The following SMURF1 variants were observed in gnomAD, a reference collection of about 807,000 sequenced individuals.
SMURF1 encodes SMAD specific E3 ubiquitin protein ligase 1.
Under a neutral mutation model 98.0 loss-of-function variants are expected in SMURF1, and 44 were observed. The ratio of observed to expected loss-of-function variants is 0.45; its 90% CI spans 0.35 to 0.58. The LOEUF (loss-of-function observed/expected upper bound fraction) is 0.58, where lower values mean the gene tolerates loss of function less well. Among genes scored for constraint, SMURF1 ranks in the 20% least tolerant of loss-of-function variants. SMURF1 has a pLI of 0.00. For synonymous variants in SMURF1, 396 were observed against 374.9 expected, an observed-to-expected ratio of 1.06 and a Z score of -0.65; for missense variants, 687 against 938.4, an observed-to-expected ratio of 0.73 and a Z score of 3.50.
intron 1 of SMURF1, among the ~76,000 whole-genome samples, chr7:99,125,024 C>G (rs749676776): frequency 1.3e-5 from 2 of 152,074 alleles, no homozygotes; most frequent in Non-Finnish European, 2.9e-5. Flanking sequence ...ACTTGCCAGA[C>G]AACCTAGAGC....
chr7:99,038,313 C>A, intron 14 of SMURF1, 75 bp downstream of exon 14: 2 of 1,551,778 alleles, frequency 1.3e-6, no homozygotes, highest in Non-Finnish European at 1.8e-6. Flanking sequence ...CCTCACACAG[C>A]GAAGGAGCTA....
At chr7:99,065,521 C>T (rs1796168186) in intron 1 of SMURF1, among the ~76,000 whole-genome samples, 1 of 152,166 alleles carries the variant, frequency 6.6e-6, no homozygotes, top group African/African-American at 2.4e-5. Flanking sequence ...TATAGACGAG[C>T]TATTAGTTTT....
chr7:99,050,977 A>G, intron 8 of SMURF1: 1 of 1,551,554 alleles, frequency 6.4e-7, no homozygotes, highest in South Asian at 1.2e-5. Context: ...CTCCCCCAGG[A>G]ATGGTCCCCG....
intron 1 of SMURF1, among the ~76,000 whole-genome samples, chr7:99,085,872 C>G (rs1206742743): frequency 6.6e-6 from 1 of 152,172 alleles, no homozygotes; most frequent in Non-Finnish European, 1.5e-5. Context: ...AGATTGACTT[C>G]TTTCACTTAC....
intron 8 of SMURF1, 138 bp from the exon 9 acceptor site, chr7:99,049,847 CT>C: frequency 1.3e-6 from 1 of 752,046 alleles, no homozygotes; most frequent in Non-Finnish European, 2.1e-6. Context: ...CTTCGTGGTG[CT>C]ACTTACGCCA....
chr7:99,107,892 T>A (rs1234387643), intron 1 of SMURF1, among the ~76,000 whole-genome samples: 1 of 152,170 alleles, frequency 6.6e-6, no homozygotes, highest in Non-Finnish European at 1.5e-5. Flanking sequence ...TTGGCATATA[T>A]ACACACCTGA....
chr7:99,035,761 C>A (rs1361870099), intron 15 of SMURF1, 45 bp from the exon 16 acceptor site: 3 of 1,587,954 alleles, frequency 1.9e-6, no homozygotes, highest in Non-Finnish European at 2.6e-6. Context: ...ATGCATAAAC[C>A]CACGTCAGGA....
chr7:99,084,539 AT>A (rs1796637414), intron 1 of SMURF1, among the ~76,000 whole-genome samples: 1 of 152,228 alleles, frequency 6.6e-6, no homozygotes, highest in African/African-American at 2.4e-5. Flanking sequence ...AGGGAACTAG[AT>A]ATCAAGAACT....
intron 1 of SMURF1, among the ~76,000 whole-genome samples, chr7:99,068,795 C>T (rs1796256402): frequency 1.3e-5 from 2 of 152,232 alleles, no homozygotes; most frequent in Middle Eastern, 3.4e-3. Context: ...GGATTAGCCC[C>T]TTTTACCCAC....
intron 1 of SMURF1, among the ~76,000 whole-genome samples, chr7:99,140,362 C>T (rs907140460): frequency 7.0e-6 from 1 of 142,034 alleles, no homozygotes; most frequent in African/African-American, 2.6e-5. Flanking sequence ...TCTCGGTTCA[C>T]TGCAAGCTCC....
At chr7:99,120,645 G>A (rs1439484437) in intron 1 of SMURF1, 1 of 151,034 alleles carries the variant, frequency 6.6e-6, no homozygotes, top group Non-Finnish European at 1.5e-5. Flanking sequence ...AAACAAACCT[G>A]GAAGCCCCAC....
At chr7:99,077,919 T>A (rs1796499833) in intron 1 of SMURF1, among the ~76,000 whole-genome samples, 2 of 152,160 alleles carry the variant, frequency 1.3e-5, no homozygotes, top group Non-Finnish European at 2.9e-5. Flanking sequence ...TTTTACAGAA[T>A]CCTGAAAGGG....
chr7:99,112,217 A>G lies in SMURF1; in HGVS notation c.55+31509T>C, dbSNP rs143200189. ...AAGCTCCTACCTCTGGCTGACTTTC[A>G]GGATCTTTGCAAACAGGAAGTAAAA... is the stretch of plus-strand genomic sequence containing the variant. On this transcript the variant is annotated intron_variant, in intron 1 of 17. Transcript: ENST00000361368. Among the ~76,000 whole-genome samples the G allele has an allele frequency of 1.7e-3, 260 of 152,338 alleles. 3 individuals are homozygous for G. The highest frequency in any genetic ancestry group is 0.016 in the Admixed American group (238 of 15,296).
At chr7:99,115,896 C>A (rs778460463) in intron 1 of SMURF1, among the ~76,000 whole-genome samples, 1 of 151,814 alleles carries the variant, frequency 6.6e-6, no homozygotes, top group Non-Finnish European at 1.5e-5. Context: ...TTAACAAAAC[C>A]CCTTCATAAA....
chr7:99,052,147 AG>A, intron 7 of SMURF1, 57 bp downstream of exon 7: 1 of 1,463,746 alleles, frequency 6.8e-7, no homozygotes, highest in Non-Finnish European at 9.0e-7. Flanking sequence ...AAAAAAAAAA[AG>A]TCAACTCATG....
chr7:99,035,246 C>G (rs1285895035), intron 16 of SMURF1, among the ~76,000 whole-genome samples: 1 of 152,232 alleles, frequency 6.6e-6, no homozygotes, highest in Non-Finnish European at 1.5e-5. Flanking sequence ...TGTCCAGACC[C>G]TCTTGGCTTT....
chr7:99,119,003 A>ATT (rs67705340), intron 1 of SMURF1, among the ~76,000 whole-genome samples: 12 of 42,930 alleles, frequency 2.8e-4, no homozygotes, highest in African/African-American at 6.5e-4. Context: ...TAACATGCCA[A>ATT]TTTTTTTTTT....
In SMURF1 at chr7:99,057,605, G is replaced by GTT. The variant is rs548576398; in HGVS notation, c.204-56_204-55dup. The GTT allele has an allele frequency of 3.7e-3, 4,014 of 1,090,432 alleles. 1 individual carries two copies. Among genetic ancestry groups the GTT allele is most frequent in the East Asian group, 4.9e-3 (137 of 28,244 alleles). 67.5% of individuals were successfully genotyped at this position (1,090,432 alleles called of 1,614,324 possible). ...AATTGTGTTTGGTTTTTTTTGTTTTGTTTTTTTTTTTTTTTGAGATAGAAT... is the reference window on the plus strand; with the variant it reads ...AATTGTGTTTGGTTTTTTTTGTTTTGTTTTTTTTTTTTTTTTTGAGATAGAAT... On this transcript the variant is annotated intron_variant, in intron 3 of 17. Coordinates refer to ENST00000361368, the MANE Select transcript of SMURF1 (RefSeq NM_181349.3).
In SMURF1 at chr7:99,131,266, TAAAAGA is replaced by T. The variant is rs561796170; in HGVS notation, c.55+12454_55+12459del. 4.1e-4 allele frequency among the ~76,000 whole-genome samples: 62 copies of T among 152,232 alleles called. 1 individual carries two copies. The South Asian group carries it at 9.3e-3, about 23-fold the overall frequency. On this transcript the variant is annotated intron_variant, in intron 1 of 17. Transcript: ENST00000361368. ...ACATTAGGAAGTGCGATATTGTACA[TAAAAGA>T]CAGAATTAAAAATGTGGAAATTAGC...
Sources: gnomAD v4.1 joint callset for allele counts (sites outside exome capture counted in the v4.1 genomes callset) on GRCh38, gnomAD v4.1.1 for gene constraint, MANE v1.5 for transcripts, NCBI Gene and HGNC (gene_info 2026-07-23, HGNC 2026-07-21) for gene names.